The following DOCK6 variants were observed in gnomAD, a reference collection of about 807,000 sequenced individuals.
DOCK6 encodes dedicator of cytokinesis 6, also known as dedicator of cytokinesis protein 6.
A neutral mutation model predicts 230.3 loss-of-function variants in DOCK6; 167 were observed. The observed-to-expected ratio is 0.73, with a 90% CI of 0.64 to 0.82. The LOEUF (loss-of-function observed/expected upper bound fraction) is 0.82, where lower values mean the gene tolerates loss of function less well. Among genes scored for constraint, DOCK6 ranks in the 40% least tolerant of loss-of-function variants. The pLI is 0.00. For synonymous variants in DOCK6, 1,148 were observed against 1,185.0 expected (o/e 0.97, Z 0.64); for missense variants, 2,598 against 2,825.8 (o/e 0.92, Z 1.83).
At chr19:11,253,564 A>C in intron 2 of DOCK6, 75 bp downstream of exon 2, 1 of 1,011,662 alleles carries the variant, frequency 9.9e-7, no homozygotes, top group Non-Finnish European at 1.4e-6. Flanking sequence ...GGTGGGATAG[A>C]ACCTAGGCCA....
chr19:11,217,090 G>T lies in DOCK6; in HGVS notation c.3718C>A (p.Arg1240Ser), dbSNP rs753969509. ...TCAGCAGAGAGGGCACAGCCTGCGC[G>T]AGAAGCCTGGGGCCAGAGAGGAATC... ...SISQGPPTAS[R>S]AGCALSAESS... Residue 1240 changes from arginine (R) to serine (S), a missense_variant, in exon 30 of 48, where the codon CGC becomes AGC. Arg to Ser is a moderately radical substitution (Grantham distance 110). Coordinates refer to ENST00000294618, the MANE Select transcript of DOCK6 (RefSeq NM_020812.4). The T allele has an allele frequency of 6.2e-7, 1 of 1,611,388 alleles. No homozygotes were observed.
chr19:11,252,986 G>C, intron 2 of DOCK6, 28 bp from the exon 3 acceptor site: 3 of 1,580,328 alleles, frequency 1.9e-6, no homozygotes, highest in Non-Finnish European at 1.7e-6. Flanking sequence ...GGCTGTGATC[G>C]CACTACCTAG....
chr19:11,217,714 C>T (rs1160916902), intron 28 of DOCK6, among the ~76,000 whole-genome samples: 10 of 146,372 alleles, frequency 6.8e-5, no homozygotes, highest in South Asian at 2.2e-4. Context: ...GCCGAGATCG[C>T]GCCACTGCAC....
chr19:11,228,730 T>C (rs1399282466), intron 23 of DOCK6: 3 of 454,020 alleles, frequency 6.6e-6, no homozygotes, highest in South Asian at 5.1e-5. Context: ...TGGCTAATTT[T>C]TTTTTGTATT....
At position 11,222,771 on chromosome 19, in the gene DOCK6, G is replaced by T; in HGVS notation, c.3204C>A (p.Ala1068=). ...NLPCCPLSPP[A]SPSPSVSSTT... is the part of the protein sequence containing the mutation. Reference sequence around the variant, plus strand: ...TGGAGGACACAGAGGGGGAGGGCGAGGCTGGAGGTGACAGGGGGCAGCAGG... The same window carrying T: ...TGGAGGACACAGAGGGGGAGGGCGATGCTGGAGGTGACAGGGGGCAGCAGG... The change falls in exon 26 of 48, where the codon GCC becomes GCA. Residue 1068 remains alanine, a synonymous_variant. Coordinates refer to ENST00000294618, the MANE Select transcript of DOCK6 (RefSeq NM_020812.4). The surrounding 1 kb of genome is among the most constrained non-coding windows in gnomAD (Gnocchi z 4.0). 6.3e-7 allele frequency: 1 copy of T among 1,582,098 alleles called. No individual in the cohort carries two copies.
chr19:11,203,617 CG>C (rs1450234400), intron 41 of DOCK6: 1 of 173,082 alleles, frequency 5.8e-6, no homozygotes, highest in Non-Finnish European at 1.2e-5. Flanking sequence ...GGGGCTGGAG[CG>C]GGAGGACACA....
chr19:11,205,190 T>C (rs1321721550), intron 39 of DOCK6, among the ~76,000 whole-genome samples: 2 of 152,240 alleles, frequency 1.3e-5, no homozygotes, highest in East Asian at 3.9e-4. Flanking sequence ...CCCTGAGGCT[T>C]TTGTGTGTGT....
At chr19:11,205,855 C>T (rs1335393962) in intron 39 of DOCK6, 3 of 149,894 alleles carry the variant, frequency 2.0e-5, no homozygotes, top group African/African-American at 2.5e-5. Context: ...GAACTCCCGA[C>T]CTCAAGTGAT....
At chr19:11,223,704 T>C (rs2079617911) in intron 24 of DOCK6, among the ~76,000 whole-genome samples, 1 of 152,152 alleles carries the variant, frequency 6.6e-6, no homozygotes, top group Non-Finnish European at 1.5e-5. Context: ...TGGAGTACAG[T>C]GGCACAATCT....
intron 1 of DOCK6, among the ~76,000 whole-genome samples, chr19:11,261,921 C>A (rs2080297355): frequency 6.6e-6 from 1 of 152,152 alleles, no homozygotes; most frequent in South Asian, 2.1e-4. Context: ...CAAACGCCAC[C>A]AAGGAGCCCA....
At chr19:11,235,511 A>G in intron 21 of DOCK6, 87 bp downstream of exon 21, 1 of 1,370,540 alleles carries the variant, frequency 7.3e-7, no homozygotes, top group Non-Finnish European at 9.8e-7. Flanking sequence ...TCGGCCTCCC[A>G]AAGTCCTGGG....
rs1301834205 is a variant in DOCK6, at chr19:11,238,072, G to C, written c.1805C>G (p.Ala602Gly). The change falls in exon 16 of 48, where the codon GCC becomes GGC. Residue 602 changes from alanine (A) to glycine (G), a missense_variant. By Grantham distance (60) the Ala-to-Gly change is moderately conservative (BLOSUM62 0). Coordinates refer to ENST00000294618, the MANE Select transcript of DOCK6 (RefSeq NM_020812.4). ...KSSCSEFTRE[A>G]FTPVVYHNKS... ...GTTATGGTAGACCACCGGTGTGAAGGCCTCGCGGGTAAATTCACTGCAGCT... is the reference window on the plus strand; with the variant it reads ...GTTATGGTAGACCACCGGTGTGAAGCCCTCGCGGGTAAATTCACTGCAGCT... 1 of 1,613,784 alleles carries C rather than the reference G, an allele frequency of 6.2e-7. No homozygotes were observed. Among genetic ancestry groups the C allele is most frequent in the African/African-American group, 1.3e-5 (1 of 74,906 alleles).
rs997476810 is a variant in DOCK6 at position 11,228,004 on chromosome 19, T to C, written c.2815-527A>G. ...ATGTGTCTTACCTTGATCAGAAAGC[T>C]TTCCCTCTTTTTTTTTTTTTTTTTT... On this transcript the variant is annotated intron_variant, in intron 23 of 47. Coordinates refer to ENST00000294618, the MANE Select transcript of DOCK6 (RefSeq NM_020812.4). Among the ~76,000 whole-genome samples the C allele has an allele frequency of 3.3e-5, 5 of 151,108 alleles. No individual in the cohort carries two copies. In the East Asian group the frequency reaches 9.7e-4, roughly 29 times the overall value.
At position 11,201,896 on chromosome 19, in the gene DOCK6, C is replaced by A; in HGVS notation, c.5681G>T (p.Arg1894Leu). 6.4e-7 allele frequency: 1 copy of A among 1,564,886 alleles called. No individual in the cohort carries two copies. The highest frequency in any genetic ancestry group is 8.7e-7 in the Non-Finnish European group (1 of 1,154,484). ...CCCAGGATCCCCACCCACCTCCTCC[C>A]GGTGGCACACACGGATGCGAGTCTT... ...YIKTRIRVCH[R>L]EETVLTPVEV... Residue 1894 changes from arginine to leucine, a missense_variant, in exon 44 of 48, where the codon CGG (arginine) becomes CTG (leucine). Transcript: ENST00000294618. This position sits in a 1 kb window ranked among gnomAD's most constrained non-coding sequence, Gnocchi z 4.3.
At chr19:11,232,304 A>G (rs2079778008) in intron 22 of DOCK6, 1 of 1,288,842 alleles carries the variant, frequency 7.8e-7, no homozygotes, top group Non-Finnish European at 1.0e-6. Context: ...AGATACACGG[A>G]GAAGTGGTAG....
chr19:11,243,440 CAG>C lies in DOCK6; in HGVS notation c.1259-57_1259-56del. 1 of 1,574,642 alleles carries C rather than the reference CAG, an allele frequency of 6.4e-7. No individual in the cohort carries two copies. On this transcript the variant is annotated intron_variant, in intron 11 of 47. Coordinates refer to ENST00000294618, the MANE Select transcript of DOCK6 (RefSeq NM_020812.4). This position sits in a 1 kb window ranked among gnomAD's most constrained non-coding sequence, Gnocchi z 6.3. ...GGGACCAAGATGAAACAGGGAGACT[CAG>C]GGGCGGCACAGTTCGGCCAGCAGAG...
At chr19:11,203,097 T>G (rs1210466666) in intron 41 of DOCK6, among the ~76,000 whole-genome samples, 1 of 152,128 alleles carries the variant, frequency 6.6e-6, no homozygotes, top group Non-Finnish European at 1.5e-5. Flanking sequence ...CATAAATGCT[T>G]GGATGGCTGA....
At chr19:11,199,791 C>G (rs1232086479) in intron 47 of DOCK6, among the ~76,000 whole-genome samples, 1 of 152,238 alleles carries the variant, frequency 6.6e-6, no homozygotes, top group East Asian at 1.9e-4. Flanking sequence ...TGGGAAATGA[C>G]TGCTCAGAGC....
Position 11,237,727 on chromosome 19 carries a change from C to A in DOCK6, c.1885G>T (p.Glu629Ter). 1 of 1,582,890 alleles carries A rather than the reference C, an allele frequency of 6.3e-7. No homozygotes were observed. ...FKLHLPACVT[E>*]NHHLLFTFYH... ...AAGGTGAACAGCAGGTGATGGTTCT[C>A]TGTCACGCAGGCTGGAAGATGCAGC... Residue 629 changes from glutamate (E) to a stop codon, truncating the protein, a stop_gained, in exon 17 of 48, where the codon GAG (glutamate) becomes TAG (stop). Coordinates refer to ENST00000294618, the MANE Select transcript of DOCK6 (RefSeq NM_020812.4). LOFTEE classifies it high-confidence loss of function.
Sources: gnomAD v4.1 joint callset for allele counts (sites outside exome capture counted in the v4.1 genomes callset) on GRCh38, gnomAD v4.1.1 for gene constraint, Gnocchi (gnomAD v3.1) non-coding constraint, MANE v1.5 for transcripts, NCBI Gene and HGNC (gene_info 2026-07-23, HGNC 2026-07-21) for gene names.